Variants in PARG observed in about 807,000 individuals in gnomAD.
PARG encodes the protein poly(ADP-ribose) glycohydrolase, also known as mitochondrial poly(ADP-ribose) glycohydrolase.
PARG carries 35 observed loss-of-function variants against 113.0 expected under a neutral mutation model. That is an observed-to-expected ratio of 0.31 (90% CI 0.24 to 0.41). The LOEUF (loss-of-function observed/expected upper bound fraction) is 0.41, where lower values mean the gene tolerates loss of function less well. Among genes scored for constraint, PARG ranks in the 10% least tolerant of loss-of-function variants. The pLI, the probability that PARG is intolerant of heterozygous loss-of-function variation, is 1.00. For synonymous variants in PARG, 330 were observed against 409.9 expected, an observed-to-expected ratio of 0.81 and a Z score of 2.36; for missense variants, 797 against 1,169.4, an observed-to-expected ratio of 0.68 and a Z score of 4.64.
chr10:49,894,759 G>A (rs558222371), intron 7 of PARG, among the ~76,000 whole-genome samples: 2 of 152,246 alleles, frequency 1.3e-5, no homozygotes, highest in Admixed American at 6.5e-5. Flanking sequence ...GTATCATATT[G>A]TATTCATTTC....
At chr10:49,820,850 A>G (rs1309383759) in intron 16 of PARG, among the ~76,000 whole-genome samples, 1 of 152,142 alleles carries the variant, frequency 6.6e-6, no homozygotes, top group Non-Finnish European at 1.5e-5. Context: ...TTGCTGAACC[A>G]CAAATAAAGG....
intron 12 of PARG, among the ~76,000 whole-genome samples, chr10:49,859,959 A>G (rs1846177856): frequency 6.6e-6 from 1 of 152,126 alleles, no homozygotes; most frequent in South Asian, 2.1e-4. Flanking sequence ...CTTTAAAGCT[A>G]CTCATTCAGA....
rs202215714 is a variant in PARG at position 49,920,463 on chromosome 10, A to AATATAT, written c.1662+1867_1662+1872dup. Among the ~76,000 whole-genome samples the AATATAT allele has an allele frequency of 3.4e-3, 162 of 47,902 alleles. 2 individuals are homozygous for AATATAT. Among genetic ancestry groups the AATATAT allele is most frequent in the East Asian group, 7.9e-3 (16 of 2,032 alleles). 31.4% of individuals were successfully genotyped at this position (47,902 alleles called of 152,430 possible). Reference sequence around the variant, plus strand: ...CCCAGCCTCAAATTAAAAAAAAAAAAATATATATATATATATATATATATA... The same window carrying AATATAT: ...CCCAGCCTCAAATTAAAAAAAAAAAAATATATATATATATATATATATATATATATA... On this transcript the variant is annotated intron_variant, in intron 6 of 17. Transcript: ENST00000616448.
chr10:49,929,994 C>A (rs2132954676), intron 4 of PARG, among the ~76,000 whole-genome samples: 1 of 151,552 alleles, frequency 6.6e-6, no homozygotes, highest in Admixed American at 6.6e-5. Context: ...ATCTCTCTTA[C>A]ACATTATTAA....
In PARG at chr10:49,837,538, G is replaced by A. The variant is rs1303510193; in HGVS notation, c.2541+4412C>T. On this transcript the variant is annotated intron_variant, in intron 15 of 17. Transcript: ENST00000616448. ...TCCAAGTTGTGCTGTCAGTTTATGT[G>A]AGACTCCTGCTGCTCATAACCAAAA... Among the ~76,000 whole-genome samples the A allele has an allele frequency of 2.0e-5, 3 of 152,192 alleles. No individual in the cohort carries two copies. The East Asian group carries it at 5.8e-4, about 29-fold the overall frequency.
At chr10:49,887,831 A>T (rs1847572820) in intron 7 of PARG, among the ~76,000 whole-genome samples, 1 of 152,170 alleles carries the variant, frequency 6.6e-6, no homozygotes. Flanking sequence ...GTCATTTTTA[A>T]AATTCACTCT....
chr10:49,868,693 A>C (rs1448596578), intron 10 of PARG, among the ~76,000 whole-genome samples: 2 of 152,198 alleles, frequency 1.3e-5, no homozygotes, highest in Admixed American at 6.5e-5. Flanking sequence ...GAAACTTTTG[A>C]GGTGTTCTGG....
At chr10:49,940,453 G>GT in intron 1 of PARG, among the ~76,000 whole-genome samples, 1 of 146,202 alleles carries the variant, frequency 6.8e-6, no homozygotes, top group African/African-American at 2.6e-5. Context: ...CCACCCTGCA[G>GT]CCTCATCTCT....
chr10:49,941,615 G>C lies in PARG; in HGVS notation c.111C>G (p.Arg37=). 1 of 1,586,610 alleles carries C rather than the reference G, an allele frequency of 6.3e-7. No individual in the cohort carries two copies. The highest frequency in any genetic ancestry group is 8.6e-7 in the Non-Finnish European group (1 of 1,167,564). The change falls in exon 1 of 18, where the codon CGC becomes CGG. Residue 37 remains arginine (R), a synonymous_variant. Coordinates refer to ENST00000616448, the MANE Select transcript of PARG (RefSeq NM_003631.5). The part of the protein sequence containing the change: ...DARSFPSRQR[R]VLDPKDAHVQ... ...CGTGAGCGTCCTTGGGGTCGAGGACGCGCCTCTGCCTGCTGGGAAAGCTCC... is the reference window on the plus strand; with the variant it reads ...CGTGAGCGTCCTTGGGGTCGAGGACCCGCCTCTGCCTGCTGGGAAAGCTCC...
intron 7 of PARG, among the ~76,000 whole-genome samples, chr10:49,906,143 G>A (rs1470002696): frequency 4.9e-5 from 6 of 122,036 alleles, no homozygotes; most frequent in Admixed American, 3.8e-4. Context: ...TGATGCTGCC[G>A]CTTTTTTTTT....
At chr10:49,910,145 T>G (rs1245365055) in intron 7 of PARG, among the ~76,000 whole-genome samples, 3 of 152,114 alleles carry the variant, frequency 2.0e-5, no homozygotes, top group African/African-American at 7.2e-5. Flanking sequence ...AAATGCAAGT[T>G]CAATACTAAT....
At chr10:49,931,246 A>T (rs1369324846) in intron 4 of PARG, among the ~76,000 whole-genome samples, 2 of 152,108 alleles carry the variant, frequency 1.3e-5, no homozygotes, top group African/African-American at 4.8e-5. Context: ...ATAATGTTAT[A>T]ATATAATGTT....
At chr10:49,827,318 G>C (rs901369086) in intron 16 of PARG, among the ~76,000 whole-genome samples, 5 of 152,248 alleles carry the variant, frequency 3.3e-5, no homozygotes, top group Non-Finnish European at 5.9e-5. Flanking sequence ...TTTAGGTACT[G>C]AAGGTAGGGA....
At chr10:49,848,162 A>T (rs1845596803) in intron 13 of PARG, among the ~76,000 whole-genome samples, 1 of 147,868 alleles carries the variant, frequency 6.8e-6, no homozygotes, top group East Asian at 2.0e-4. Flanking sequence ...CATCGTGGCC[A>T]ACGTGGTGAA....
At chr10:49,821,591 G>A (rs1168327666) in intron 16 of PARG, among the ~76,000 whole-genome samples, 9 of 152,144 alleles carry the variant, frequency 5.9e-5, no homozygotes, top group Non-Finnish European at 4.4e-5. Flanking sequence ...TGTTGGCCAG[G>A]CTGGTCTCGA....
In PARG at chr10:49,933,985, A is replaced by T; in HGVS notation, c.463T>A (p.Cys155Ser). 5.6e-6 allele frequency: 9 copies of T among 1,605,210 alleles called. No homozygotes were observed. The highest frequency in any genetic ancestry group is 7.7e-6 in the Non-Finnish European group (9 of 1,171,948). ...TGTTTCCCTTCATTTTGCCACTTACACATTGCTGCAGTCTGATGCTGGTTC... is the reference window on the plus strand; with the variant it reads ...TGTTTCCCTTCATTTTGCCACTTACTCATTGCTGCAGTCTGATGCTGGTTC... ...YLNQHQTAAM[C>S]KWQNEGKHTE... Residue 155 changes from cysteine to serine, a missense_variant, in exon 3 of 18, where the codon TGT becomes AGT. Physicochemically the swap from Cys to Ser is moderately radical, Grantham distance 112 (BLOSUM62 -1). This residue lies in a region of PARG where 284 missense variants were observed against 306.1 expected (regional missense o/e 0.93). Transcript: ENST00000616448.
chr10:49,885,461 G>A (rs547670768), intron 7 of PARG, among the ~76,000 whole-genome samples, 166 bp from the exon 8 acceptor site: 50 of 152,256 alleles, frequency 3.3e-4, no homozygotes, highest in African/African-American at 1.1e-3. Context: ...ATCAACAGGT[G>A]TATACAAATA....
intron 4 of PARG, among the ~76,000 whole-genome samples, chr10:49,923,148 T>C (rs1197451700): frequency 6.6e-6 from 1 of 152,174 alleles, no homozygotes; most frequent in African/African-American, 2.4e-5. Context: ...TATATGCCTG[T>C]ATACATACTA....
chr10:49,842,631 G>C (rs1164417186), intron 14 of PARG, among the ~76,000 whole-genome samples: 1 of 152,190 alleles, frequency 6.6e-6, no homozygotes, highest in Non-Finnish European at 1.5e-5. Context: ...ATACCATGTT[G>C]CCTGTGGAAA....
Sources: gnomAD v4.1 joint callset for allele counts (sites outside exome capture counted in the v4.1 genomes callset) on GRCh38, gnomAD v4.1.1 for gene constraint, gnomAD v4.1.1 regional missense constraint, MANE v1.5 for transcripts, NCBI Gene and HGNC (gene_info 2026-07-23, HGNC 2026-07-21) for gene names.